ZDHHC24: variants seen among roughly 807,000 people sequenced by gnomAD.
ZDHHC24 encodes probable palmitoyltransferase ZDHHC24.
A neutral mutation model predicts 23.2 loss-of-function variants in ZDHHC24; 17 were observed. That is an observed-to-expected ratio of 0.73 (90% CI 0.50 to 1.10). The LOEUF (loss-of-function observed/expected upper bound fraction) is 1.10. Among genes scored for constraint, ZDHHC24 ranks in the 50% least tolerant of loss-of-function variants. The probability of loss-of-function intolerance (pLI) is 0.00; values close to 1 mark genes in which losing one functional copy is unlikely to be tolerated. For missense variants in ZDHHC24, 366 were observed against 393.0 expected (o/e 0.93, Z 0.58); for synonymous variants, 186 against 194.5 (o/e 0.96, Z 0.36).
Position 66,543,750 on chromosome 11 carries a change from G to C in ZDHHC24, c.513C>G (p.Leu171=), listed in dbSNP as rs1857220549. The C allele has an allele frequency of 6.2e-7, 1 of 1,605,324 alleles. No individual in the cohort carries two copies. The highest frequency in any genetic ancestry group is 1.3e-5 in the African/African-American group (1 of 74,810). ...LSALLRAHTP[L]HMAALLLLPW... is the part of the protein sequence containing the mutation. ...GAAGCAGGAGGAGGGCAGCCATGTG[G>C]AGGGGCGTGTGGGCTCGCAGCAGGG... The change falls in exon 2 of 3, where the codon CTC becomes CTG. Residue 171 remains leucine (L), a synonymous_variant. Transcript: ENST00000310442.
Position 66,545,713 on chromosome 11 carries a change from C to T in ZDHHC24, c.281+10G>A, listed in dbSNP as rs1453721477. On this transcript the variant is annotated intron_variant, in intron 1 of 2. Coordinates refer to ENST00000310442, the MANE Select transcript of ZDHHC24 (RefSeq NM_207340.3). The surrounding 1 kb of genome is among the most constrained non-coding windows in gnomAD (Gnocchi z 4.5). ...CCACTTCTCCCCGCCCGATCCCGCA[C>T]CCCACTCACGCCCAGCCCTGGCCCA... The T allele has an allele frequency of 6.5e-7, 1 of 1,534,062 alleles. No individual in the cohort carries two copies. The highest frequency in any genetic ancestry group is 1.4e-5 in the African/African-American group (1 of 70,772).
At position 66,543,966 on chromosome 11, in the gene ZDHHC24, G is replaced by C. The variant is rs752753161; in HGVS notation, c.297C>G (p.Cys99Trp). 6.2e-7 allele frequency: 1 copy of C among 1,613,480 alleles called. No homozygotes were observed. Among genetic ancestry groups the C allele is most frequent in the Non-Finnish European group, 8.5e-7 (1 of 1,179,646 alleles). ...LGQGWAYCYQCQSQVPPRSGH... is the reference protein window; with the variant it reads ...LGQGWAYCYQWQSQVPPRSGH... ...CGCTGCGTGGCGGCACCTGGCTTTG[G>C]CATTGGTAGCAGTAACTGCAGGAAG... Residue 99 changes from cysteine (C) to tryptophan (W), a missense_variant, in exon 2 of 3, where the codon TGC (cysteine) becomes TGG (tryptophan). Cys to Trp is a radical substitution (Grantham distance 215, BLOSUM62 -2). Transcript: ENST00000310442.
chr11:66,531,173 C>T (rs1330863623), downstream of ZDHHC24: 16 of 1,185,770 alleles, frequency 1.3e-5, no homozygotes, highest in Non-Finnish European at 1.8e-5. Context: ...CACCACAGAC[C>T]AGGCCAAGGC....
intron 4 of ZDHHC24, chr11:66,523,977 C>A: frequency 1.3e-6 from 2 of 1,552,970 alleles, no homozygotes; most frequent in Non-Finnish European, 1.8e-6. Flanking sequence ...CACATTGATG[C>A]ATTTCAAAAA....
intron 2 of ZDHHC24, chr11:66,529,886 G>GC (rs772635720): frequency 6.2e-7 from 1 of 1,609,532 alleles, no homozygotes; most frequent in Non-Finnish European, 8.5e-7. Context: ...CCTACCTGCA[G>GC]GCCCTCGAGT....
downstream of ZDHHC24, among the ~76,000 whole-genome samples, chr11:66,535,511 G>A (rs1180161394): frequency 1.3e-5 from 2 of 151,562 alleles, no homozygotes; most frequent in Admixed American, 1.3e-4. Flanking sequence ...TTTGTATTTT[G>A]CAGAGACAGG....
downstream of ZDHHC24, chr11:66,532,036 G>A (rs1475796233): frequency 3.7e-6 from 6 of 1,602,226 alleles, no homozygotes; most frequent in Non-Finnish European, 5.1e-6. Flanking sequence ...GCGGCCGCCT[G>A]AGACCTGAGC....
chr11:66,535,395 A>G (rs1856934942), downstream of ZDHHC24, among the ~76,000 whole-genome samples: 2 of 145,682 alleles, frequency 1.4e-5, no homozygotes, highest in African/African-American at 5.1e-5. Context: ...TTTAAGACAC[A>G]GGGTCTCACT....
At chr11:66,539,919 C>A (rs1053103148) in intron 2 of ZDHHC24, 95 bp from the exon 3 acceptor site, 47 of 1,262,644 alleles carry the variant, frequency 3.7e-5, no homozygotes, top group Non-Finnish European at 5.0e-5. Flanking sequence ...GCTCATTCCT[C>A]CGCTCAGCAA....
chr11:66,524,841 C>T (rs558036482), intron 4 of ZDHHC24, among the ~76,000 whole-genome samples: 4 of 151,642 alleles, frequency 2.6e-5, no homozygotes, highest in Admixed American at 1.3e-4. Context: ...CTGAGGCAGG[C>T]GATCACAGTT....
At chr11:66,522,498 C>G (rs931547663) in intron 4 of ZDHHC24, among the ~76,000 whole-genome samples, 1 of 151,784 alleles carries the variant, frequency 6.6e-6, no homozygotes, top group Non-Finnish European at 1.5e-5. Context: ...CAGGTGCGTG[C>G]CACCACACCC....
rs1398554378 is a variant in ZDHHC24, at chr11:66,536,132, G to A, written c.*3397C>T. ...GCAACGGAATGACTGAAACAGGACA[G>A]TGTCTCCCCCACCAGGAAGGGGCAA... On this transcript the variant is annotated 3_prime_UTR_variant, in exon 3 of 3. Transcript: ENST00000310442. 1 of 152,332 alleles carries A rather than the reference G, an allele frequency of 6.6e-6. No homozygotes were observed. Among genetic ancestry groups the A allele is most frequent in the Non-Finnish European group, 1.5e-5 (1 of 68,136 alleles). 9.4% of individuals were successfully genotyped at this position (152,332 alleles called of 1,614,324 possible). A position where few individuals can be genotyped will look rare whatever the true frequency, so the allele number is the denominator to read the frequency against.
intron 4 of ZDHHC24, chr11:66,526,332 G>A: frequency 1.1e-6 from 1 of 901,092 alleles, no homozygotes; most frequent in Non-Finnish European, 1.7e-6. Context: ...GTGTCCTTCT[G>A]GAGCTAGGCC....
downstream of ZDHHC24, chr11:66,530,804 G>C: frequency 6.4e-7 from 1 of 1,557,202 alleles, no homozygotes; most frequent in Non-Finnish European, 8.9e-7. Context: ...GGGGACATGA[G>C]GGCATTGGTG....
rs534219818 is a variant in ZDHHC24, at chr11:66,521,203, T to G, written c.*285A>C. On this transcript the variant is annotated 3_prime_UTR_variant, in exon 5 of 5. Coordinates refer to the ZDHHC24 transcript ENST00000526986. ...TAGACCAGGCACTCACTCAGAGGAG[T>G]TACTGACAGGGCAGGGAGGGACGGG... The G allele has an allele frequency of 1.0e-3, 1,208 of 1,193,466 alleles. 28 individuals are homozygous for G. In the South Asian group the frequency reaches 0.014, roughly 14 times the overall value. 73.9% of individuals were successfully genotyped at this position (1,193,466 alleles called of 1,614,324 possible).
At chr11:66,535,552 A>G (rs1343337887), downstream of ZDHHC24, among the ~76,000 whole-genome samples, 1 of 152,066 alleles carries the variant, frequency 6.6e-6, no homozygotes, top group Non-Finnish European at 1.5e-5. Flanking sequence ...CTCACAGTCT[A>G]TTTTGATAGT....
chr11:66,530,982 T>G (rs778413960), downstream of ZDHHC24: 12 of 1,614,104 alleles, frequency 7.4e-6, no homozygotes, highest in South Asian at 1.2e-4. Context: ...CTGGTCTGCT[T>G]CCTGTACAAC....
At chr11:66,535,412 T>C (rs552973193), downstream of ZDHHC24, among the ~76,000 whole-genome samples, 1 of 147,108 alleles carries the variant, frequency 6.8e-6, no homozygotes, top group African/African-American at 2.5e-5. Context: ...CACTATGTTG[T>C]CCAGGCTTGT....
intron 2 of ZDHHC24, among the ~76,000 whole-genome samples, chr11:66,530,402 G>A (rs1396391585): frequency 1.3e-5 from 2 of 152,068 alleles, no homozygotes; most frequent in African/African-American, 4.8e-5. Flanking sequence ...GAGGAACCCC[G>A]CAAGGCTCAG....
Sources: gnomAD v4.1 joint callset for allele counts (sites outside exome capture counted in the v4.1 genomes callset) on GRCh38, gnomAD v4.1.1 for gene constraint, Gnocchi (gnomAD v3.1) non-coding constraint, MANE v1.5 for transcripts, NCBI Gene and HGNC (gene_info 2026-07-23, HGNC 2026-07-21) for gene names.